MYO1B: variants seen among roughly 807,000 people sequenced by gnomAD.
The protein encoded by MYO1B is myosin IB.
MYO1B carries 72 observed loss-of-function variants against 159.7 expected under a neutral mutation model. The ratio of observed to expected loss-of-function variants is 0.45; its 90% confidence interval spans 0.37 to 0.55. The LOEUF (loss-of-function observed/expected upper bound fraction) is 0.55. Among genes scored for constraint, MYO1B ranks in the 20% least tolerant of loss-of-function variants. The pLI is 0.00. For missense variants in MYO1B, 1,062 were observed against 1,364.8 expected (o/e 0.78, Z 3.50); for synonymous variants, 468 against 473.8 (o/e 0.99, Z 0.16).
chr2:191,398,844 C>G (rs1183835354), intron 21 of MYO1B, among the ~76,000 whole-genome samples: 54 of 152,242 alleles, frequency 3.5e-4, no homozygotes, highest in African/African-American at 1.3e-3. Context: ...CAGAGACGCT[C>G]CTCACTTCCC....
chr2:191,294,110 A>C (rs1316906962), intron 2 of MYO1B, among the ~76,000 whole-genome samples: 2 of 152,186 alleles, frequency 1.3e-5, no homozygotes, highest in East Asian at 3.9e-4. Flanking sequence ...GGGGAAAACA[A>C]ACACACATAA....
At chr2:191,294,113 A>G (rs1161003492) in intron 2 of MYO1B, among the ~76,000 whole-genome samples, 19 of 152,170 alleles carry the variant, frequency 1.2e-4, no homozygotes, top group Admixed American at 1.2e-3. Context: ...GAAAACAAAC[A>G]CACATAATTC....
intron 15 of MYO1B, among the ~76,000 whole-genome samples, chr2:191,383,972 G>A (rs1032123315): frequency 2.0e-5 from 3 of 152,248 alleles, no homozygotes; most frequent in Admixed American, 6.5e-5. Flanking sequence ...AAGTGCAGCT[G>A]TAGCATTGAT....
intron 3 of MYO1B, among the ~76,000 whole-genome samples, chr2:191,322,834 A>G (rs527264482): frequency 2.0e-5 from 3 of 152,290 alleles, no homozygotes; most frequent in Admixed American, 6.5e-5. Flanking sequence ...TGTGCAAGAA[A>G]GAATTTGGGG....
chr2:191,296,277 A>T, intron 3 of MYO1B, 51 bp downstream of exon 3: 1 of 1,089,680 alleles, frequency 9.2e-7, no homozygotes, highest in Non-Finnish European at 1.3e-6. Flanking sequence ...AGAGATGTGT[A>T]GTTGACAGAT....
intron 1 of MYO1B, among the ~76,000 whole-genome samples, chr2:191,256,172 A>G (rs1574271526): frequency 1.3e-5 from 2 of 152,296 alleles, no homozygotes; most frequent in South Asian, 2.1e-4. Context: ...TCCTCTGTAT[A>G]GTGAAAAGCT....
intron 15 of MYO1B, among the ~76,000 whole-genome samples, chr2:191,385,082 GT>G (rs1695323297): frequency 1.3e-5 from 2 of 152,292 alleles, no homozygotes; most frequent in South Asian, 4.1e-4. Context: ...GGAGTGGATT[GT>G]TTTTGGAATT....
intron 30 of MYO1B, among the ~76,000 whole-genome samples, chr2:191,418,365 T>G (rs1697708210): frequency 6.6e-6 from 1 of 152,102 alleles, no homozygotes; most frequent in South Asian, 2.1e-4. Flanking sequence ...CTTCCTTGCT[T>G]TTTCCTTCCC....
chr2:191,401,123 T>TC (rs1320013624), intron 23 of MYO1B, among the ~76,000 whole-genome samples: 4 of 151,066 alleles, frequency 2.6e-5, no homozygotes, highest in East Asian at 1.9e-4. Context: ...ATGTTTAGGT[T>TC]CCCCCCCGCC....
intron 6 of MYO1B, among the ~76,000 whole-genome samples, chr2:191,348,442 A>G (rs1050740944): frequency 2.6e-5 from 4 of 152,032 alleles, no homozygotes; most frequent in Admixed American, 1.3e-4. Context: ...CTTCTGTCAA[A>G]AGGATCCCCT....
chr2:191,359,874 C>T (rs1254952908), intron 7 of MYO1B, among the ~76,000 whole-genome samples: 1 of 152,212 alleles, frequency 6.6e-6, no homozygotes, highest in Non-Finnish European at 1.5e-5. Context: ...AGAATATCCT[C>T]GTCATCCCTC....
At chr2:191,273,795 A>T (rs1362369853) in intron 1 of MYO1B, among the ~76,000 whole-genome samples, 2 of 152,182 alleles carry the variant, frequency 1.3e-5, no homozygotes, top group African/African-American at 4.8e-5. Flanking sequence ...ATACATTCTC[A>T]TTTAATTCTC....
chr2:191,285,983 G>A (rs1009192130), intron 2 of MYO1B, among the ~76,000 whole-genome samples: 11 of 152,256 alleles, frequency 7.2e-5, no homozygotes, highest in Admixed American at 2.0e-4. Context: ...ACTGTTCTCC[G>A]TCCTATTGTC....
chr2:191,371,551 A>G (rs938280090), intron 13 of MYO1B, among the ~76,000 whole-genome samples: 5 of 152,174 alleles, frequency 3.3e-5, no homozygotes, highest in African/African-American at 4.8e-5. Flanking sequence ...CCTCAGGTCA[A>G]CTAACTCCCC....
intron 7 of MYO1B, among the ~76,000 whole-genome samples, chr2:191,353,103 AC>A (rs1693026757): frequency 1.3e-5 from 2 of 152,178 alleles, no homozygotes; most frequent in Non-Finnish European, 2.9e-5. Context: ...TAAGTCTGGG[AC>A]TCACTTGAAA....
chr2:191,332,028 T>C (rs1400305792), intron 4 of MYO1B, among the ~76,000 whole-genome samples: 3 of 152,232 alleles, frequency 2.0e-5, no homozygotes, highest in African/African-American at 7.2e-5. Flanking sequence ...AATGGCGCGA[T>C]CTTGGCTCAC....
intron 3 of MYO1B, among the ~76,000 whole-genome samples, chr2:191,323,928 T>G (rs1323451681): frequency 1.3e-5 from 2 of 152,112 alleles, no homozygotes; most frequent in Admixed American, 1.3e-4. Flanking sequence ...AAAAAATGAT[T>G]GTAGCTCATT....
In MYO1B at chr2:191,396,431, A is replaced by G; in HGVS notation, c.2229A>G (p.Gln743=). ...VIAAWYRRYA[Q]QKRYQQTKSS... ...TATCTTCCCCTTTTATCCTACAGCAACAAAAGAGGTACCAGCAGACAAAGA... is the reference window on the plus strand; with the variant it reads ...TATCTTCCCCTTTTATCCTACAGCAGCAAAAGAGGTACCAGCAGACAAAGA... Residue 743 remains glutamine, a splice_region_variant and synonymous_variant, in exon 21 of 31, where the codon CAA becomes CAG. Transcript: ENST00000392318. The G allele has an allele frequency of 6.2e-7, 1 of 1,614,192 alleles. No homozygotes were observed. Among genetic ancestry groups the G allele is most frequent in the Non-Finnish European group, 8.5e-7 (1 of 1,180,020 alleles).
At chr2:191,392,222 C>A in intron 19 of MYO1B, 21 bp downstream of exon 19, 1 of 1,538,880 alleles carries the variant, frequency 6.5e-7, no homozygotes, top group Non-Finnish European at 8.9e-7. Flanking sequence ...AAAACCTTTA[C>A]ACTCTGAACT....
Sources: gnomAD v4.1 joint callset for allele counts (sites outside exome capture counted in the v4.1 genomes callset) on GRCh38, gnomAD v4.1.1 for gene constraint, MANE v1.5 for transcripts, NCBI Gene and HGNC (gene_info 2026-07-23, HGNC 2026-07-21) for gene names.